TMEM132D: variants seen among roughly 807,000 people sequenced by gnomAD.
TMEM132D encodes transmembrane protein 132D, also known as mature OL transmembrane protein.
In TMEM132D, 21 loss-of-function variants were observed where a neutral mutation model predicts 62.3. The ratio of observed to expected loss-of-function variants is 0.34; its 90% CI spans 0.24 to 0.49. TMEM132D has a LOEUF of 0.49. Among genes scored for constraint, TMEM132D ranks in the 20% least tolerant of loss-of-function variants. TMEM132D has a pLI of 0.99. For missense variants in TMEM132D, 1,346 were observed against 1,402.8 expected (o/e 0.96, Z 0.65); for synonymous variants, 621 against 575.6 (o/e 1.08, Z -1.13).
At chr12:129,078,068 G>A (rs754038151) in intron 8 of TMEM132D, among the ~76,000 whole-genome samples, 2 of 152,186 alleles carry the variant, frequency 1.3e-5, no homozygotes, top group African/African-American at 4.8e-5. Context: ...GTCTGGAAGC[G>A]ATCTCCCGCC....
chr12:129,897,220 C>G (rs1183359383), intron 1 of TMEM132D, among the ~76,000 whole-genome samples: 1 of 152,196 alleles, frequency 6.6e-6, no homozygotes, highest in Non-Finnish European at 1.5e-5. Context: ...AGAGGCCGCA[C>G]CATATCATCT....
chr12:129,505,127 C>T (rs1160631427), intron 3 of TMEM132D, among the ~76,000 whole-genome samples: 3 of 152,084 alleles, frequency 2.0e-5, no homozygotes, highest in Non-Finnish European at 4.4e-5. Flanking sequence ...TGTTTTGTGG[C>T]CTATCATATG....
intron 3 of TMEM132D, among the ~76,000 whole-genome samples, chr12:129,500,581 A>G (rs1412137443): frequency 6.6e-6 from 1 of 152,190 alleles, no homozygotes; most frequent in Non-Finnish European, 1.5e-5. Flanking sequence ...CTTAGACAGA[A>G]TGTGATATTT....
At chr12:129,527,651 G>A (rs1409109869) in intron 3 of TMEM132D, among the ~76,000 whole-genome samples, 1 of 152,150 alleles carries the variant, frequency 6.6e-6, no homozygotes. Flanking sequence ...TCTATGGAGA[G>A]AACTACAAGG....
chr12:129,400,615 A>G (rs985290174), intron 3 of TMEM132D, among the ~76,000 whole-genome samples: 4 of 152,144 alleles, frequency 2.6e-5, no homozygotes, highest in African/African-American at 9.7e-5. Context: ...GACGACAAAA[A>G]CTACTGGTTC....
At chr12:129,378,942 A>G (rs1870859181) in intron 3 of TMEM132D, among the ~76,000 whole-genome samples, 1 of 152,088 alleles carries the variant, frequency 6.6e-6, no homozygotes, top group African/African-American at 2.4e-5. Context: ...GTGCCTGCGG[A>G]TTTTGTCAGG....
intron 2 of TMEM132D, among the ~76,000 whole-genome samples, chr12:129,697,500 C>T (rs1413207858): frequency 1.3e-5 from 2 of 152,158 alleles, no homozygotes; most frequent in Admixed American, 6.5e-5. Context: ...ATTAATGCAA[C>T]CTCTTAAAGA....
At chr12:129,811,323 C>G (rs1266621105) in intron 1 of TMEM132D, among the ~76,000 whole-genome samples, 1 of 151,586 alleles carries the variant, frequency 6.6e-6, no homozygotes, top group Non-Finnish European at 1.5e-5. Context: ...GTTCTACCTC[C>G]TTGGAGGCTC....
At chr12:129,347,918 A>G (rs1329566798) in intron 3 of TMEM132D, among the ~76,000 whole-genome samples, 1 of 152,236 alleles carries the variant, frequency 6.6e-6, no homozygotes, top group African/African-American at 2.4e-5. Flanking sequence ...ACACTTCTCA[A>G]AAGAAGACAT....
intron 7 of TMEM132D, among the ~76,000 whole-genome samples, 193 bp from the exon 8 acceptor site, chr12:129,078,918 T>C: frequency 6.6e-6 from 1 of 152,184 alleles, no homozygotes. Flanking sequence ...ATGCATTTTT[T>C]GCATAAAGCA....
intron 1 of TMEM132D, among the ~76,000 whole-genome samples, chr12:129,837,643 C>T (rs990383116): frequency 6.6e-6 from 1 of 152,144 alleles, no homozygotes; most frequent in African/African-American, 2.4e-5. Flanking sequence ...GATTTTCCCC[C>T]ACCAAATGAA....
At chr12:129,732,237 T>G (rs1331764904) in intron 1 of TMEM132D, among the ~76,000 whole-genome samples, 2 of 152,152 alleles carry the variant, frequency 1.3e-5, no homozygotes, top group Non-Finnish European at 2.9e-5. Context: ...TCTGTTCTTT[T>G]TCCCTGTTCC....
intron 1 of TMEM132D, among the ~76,000 whole-genome samples, chr12:129,847,341 T>C (rs1873394851): frequency 1.3e-5 from 2 of 152,188 alleles, no homozygotes. Flanking sequence ...CCCCAGCCTT[T>C]TGTCTGCTGT....
intron 5 of TMEM132D, among the ~76,000 whole-genome samples, chr12:129,102,543 G>T (rs755792471): frequency 6.6e-5 from 10 of 151,832 alleles, no homozygotes; most frequent in Non-Finnish European, 1.2e-4. Flanking sequence ...ACACACACAT[G>T]CACACACATA....
At chr12:129,327,773 G>A (rs904415261) in intron 4 of TMEM132D, among the ~76,000 whole-genome samples, 2 of 152,136 alleles carry the variant, frequency 1.3e-5, no homozygotes, top group African/African-American at 4.8e-5. Flanking sequence ...TATTTCCATT[G>A]TGGATCTCTC....
chr12:129,353,149 C>G (rs1342752094), intron 3 of TMEM132D, among the ~76,000 whole-genome samples: 1 of 130,140 alleles, frequency 7.7e-6, no homozygotes, highest in African/African-American at 2.8e-5. Context: ...TTCTTTTTAT[C>G]CTGGAAGATT....
chr12:129,316,303 G>T (rs1868486971), intron 4 of TMEM132D, among the ~76,000 whole-genome samples: 1 of 152,100 alleles, frequency 6.6e-6, no homozygotes, highest in African/African-American at 2.4e-5. Context: ...ACTCCTCTTA[G>T]CACTGCCTTT....
chr12:129,845,865 C>T (rs1873346619), intron 1 of TMEM132D, among the ~76,000 whole-genome samples: 1 of 152,216 alleles, frequency 6.6e-6, no homozygotes, highest in Non-Finnish European at 1.5e-5. Context: ...AGGCCGTGCT[C>T]CCAGAGCAGC....
chr12:129,354,236 C>T (rs992415121), intron 3 of TMEM132D, among the ~76,000 whole-genome samples: 2 of 151,640 alleles, frequency 1.3e-5, no homozygotes, highest in Admixed American at 6.6e-5. Flanking sequence ...AATATCTTTT[C>T]CAAAAGAATA....
Sources: allele counts gnomAD v4.1 joint callset (sites outside exome capture counted in the v4.1 genomes callset), GRCh38; gene constraint gnomAD v4.1.1; transcripts MANE v1.5; gene names NCBI Gene and HGNC (gene_info 2026-07-23, HGNC 2026-07-21).